TRPM7: variants seen among roughly 807,000 people sequenced by gnomAD.
The protein encoded by TRPM7 is LTRPC ion channel family member 7.
A neutral mutation model predicts 229.7 loss-of-function variants in TRPM7; 134 were observed. That is an observed-to-expected ratio of 0.58 (90% CI 0.51 to 0.67). The LOEUF is 0.67. TRPM7 is among the 30% of genes least tolerant of loss of function. TRPM7 has a pLI of 0.00. For missense variants in TRPM7, 1,901 were observed against 2,210.0 expected, an observed-to-expected ratio of 0.86 and a Z score of 2.80; for synonymous variants, 699 against 715.2, an observed-to-expected ratio of 0.98 and a Z score of 0.36.
chr15:50,581,423 T>G (rs1210315106), intron 29 of TRPM7, among the ~76,000 whole-genome samples: 1 of 151,748 alleles, frequency 6.6e-6, no homozygotes, highest in Non-Finnish European at 1.5e-5. Flanking sequence ...CACTTGAATC[T>G]GGGAGGTGGA....
intron 21 of TRPM7, among the ~76,000 whole-genome samples, chr15:50,600,059 T>A (rs1292666448): frequency 1.3e-5 from 2 of 152,236 alleles, no homozygotes; most frequent in Non-Finnish European, 2.9e-5. Context: ...AATGCTATAA[T>A]AAAACTTCAC....
intron 26 of TRPM7, among the ~76,000 whole-genome samples, chr15:50,590,586 T>G (rs2059461382): frequency 6.6e-6 from 1 of 152,146 alleles, no homozygotes. Flanking sequence ...AATATACATG[T>G]AGAGAAAATA....
intron 12 of TRPM7, among the ~76,000 whole-genome samples, chr15:50,620,967 G>A (rs1042424922): frequency 2.0e-5 from 3 of 151,850 alleles, no homozygotes; most frequent in African/African-American, 7.3e-5. Context: ...ATTCCATCCT[G>A]GCTAACACGG....
At chr15:50,609,992 A>AAATGC in intron 17 of TRPM7, 31 bp from the exon 18 acceptor site, 1 of 1,440,528 alleles carries the variant, frequency 6.9e-7, no homozygotes, top group Non-Finnish European at 9.5e-7. Flanking sequence ...TTTTGCATTT[A>AAATGC]AAAATTAATG....
intron 23 of TRPM7, among the ~76,000 whole-genome samples, chr15:50,595,929 AT>A (rs138167183): frequency 0.066 from 10,067 of 152,244 alleles, 480 homozygotes; most frequent in African/African-American, 0.13. Context: ...TGCAAAAAAA[AT>A]GATAGAAAGG....
Position 50,574,468 on chromosome 15 carries a change from A to G in TRPM7, c.5114T>C (p.Val1705Ala), listed in dbSNP as rs764242884. The G allele has an allele frequency of 1.2e-6, 2 of 1,610,242 alleles. No individual in the cohort carries two copies. Among genetic ancestry groups the G allele is most frequent in the Non-Finnish European group, 1.7e-6 (2 of 1,178,940 alleles). ...TGCTGAATGGCAATACAGCAGGAAA[A>G]CTTCAAGGAACCTTATAAAAAATAG... ...SIPYSPRFLEVFLLYCHSAGQ... is the reference protein window; with the variant it reads ...SIPYSPRFLEAFLLYCHSAGQ... Residue 1705 changes from valine (V) to alanine (A), a missense_variant, in exon 36 of 39, where the codon GTT becomes GCT. By Grantham distance (64) the Val-to-Ala change is moderately conservative. Coordinates refer to ENST00000646667, the MANE Select transcript of TRPM7 (RefSeq NM_017672.6).
intron 1 of TRPM7, among the ~76,000 whole-genome samples, chr15:50,673,449 G>A (rs905283047): frequency 6.6e-5 from 10 of 152,034 alleles, no homozygotes; most frequent in Admixed American, 5.9e-4. Flanking sequence ...AGTCCCCAAA[G>A]TCCATTGTGT....
At chr15:50,621,341 G>C (rs192023460) in intron 12 of TRPM7, among the ~76,000 whole-genome samples, 2 of 151,982 alleles carry the variant, frequency 1.3e-5, no homozygotes, top group African/African-American at 4.8e-5. Context: ...CTAACGGTAT[G>C]TAATCACATG....
chr15:50,607,863 A>C (rs932375175), intron 19 of TRPM7, among the ~76,000 whole-genome samples: 1 of 148,062 alleles, frequency 6.8e-6, no homozygotes, highest in African/African-American at 2.5e-5. Context: ...CCTGGCCAAC[A>C]GGGTGAAACT....
chr15:50,562,401 G>A (rs1272916820), intron 38 of TRPM7, among the ~76,000 whole-genome samples: 1 of 152,052 alleles, frequency 6.6e-6, no homozygotes, highest in Non-Finnish European at 1.5e-5. Flanking sequence ...AAGCTCACTG[G>A]TCTCAGTGAG....
rs561738958 is a variant in TRPM7, at chr15:50,588,188, T to A, written c.4389+1404A>T. ...ACTTCTGCATATACTAAAGAGACTT[T>A]ACCTCATATTTAGGCATCTCTGTAT... On this transcript the variant is annotated intron_variant, in intron 27 of 38. Transcript: ENST00000646667. 9.2e-6 allele frequency: 9 copies of A among 982,250 alleles called. No individual in the cohort carries two copies. In the South Asian group the frequency reaches 4.2e-4, roughly 46 times the overall value. The allele number at this position is 982,250 out of a possible 1,614,324, so 60.8% of individuals were successfully genotyped here. A position where few individuals can be genotyped will look rare whatever the true frequency, so the allele number is the denominator to read the frequency against.
intron 9 of TRPM7, among the ~76,000 whole-genome samples, chr15:50,632,370 T>C (rs1353640848): frequency 2.6e-5 from 4 of 152,160 alleles, no homozygotes; most frequent in African/African-American, 9.7e-5. Context: ...CTTTATTTCA[T>C]AGTTTACAAA....
intron 22 of TRPM7, among the ~76,000 whole-genome samples, chr15:50,597,729 G>A (rs2140394051): frequency 6.6e-6 from 1 of 151,988 alleles, no homozygotes; most frequent in East Asian, 1.9e-4. Context: ...TGGCCAACAT[G>A]GTGAAACTTT....
At chr15:50,588,093 T>C (rs1160104437) in intron 27 of TRPM7, 2 of 270,160 alleles carry the variant, frequency 7.4e-6, no homozygotes, top group Non-Finnish European at 1.1e-5. Context: ...AGTCTTATGA[T>C]AGGTCCGCTG....
At chr15:50,593,789 T>G (rs1386406715) in intron 24 of TRPM7, 40 bp from the exon 25 acceptor site, 1 of 1,569,974 alleles carries the variant, frequency 6.4e-7, no homozygotes, top group African/African-American at 1.4e-5. Context: ...GGAAGAGCTA[T>G]CAAGGTTTCA....
chr15:50,616,129 TGAA>T lies in TRPM7; in HGVS notation c.1495-1869_1495-1867del, dbSNP rs71933473. The stretch of plus-strand genomic sequence containing the variant: ...ACAAATGCCATTATATGAACCCACT[TGAA>T]GAAGAAATTTTTAAATTAGGTAAAA... On this transcript the variant is annotated intron_variant, in intron 13 of 38. Coordinates refer to ENST00000646667, the MANE Select transcript of TRPM7 (RefSeq NM_017672.6). Among the ~76,000 whole-genome samples, 714 of 152,268 alleles carry T rather than the reference TGAA, an allele frequency of 4.7e-3. 5 individuals carry two copies. The highest frequency in any genetic ancestry group is 0.017 in the African/African-American group (688 of 41,548).
chr15:50,593,528 A>G (rs1427696262), intron 25 of TRPM7, 89 bp downstream of exon 25: 1 of 1,388,898 alleles, frequency 7.2e-7, no homozygotes, highest in Admixed American at 2.1e-5. Context: ...TGTTTGACAA[A>G]ATAAATTTAA....
intron 1 of TRPM7, among the ~76,000 whole-genome samples, chr15:50,669,954 G>T (rs750470811): frequency 2.6e-4 from 40 of 152,164 alleles, no homozygotes; most frequent in Admixed American, 1.3e-3. Flanking sequence ...TACTGTTATG[G>T]AATACATTGC....
chr15:50,639,528 C>T lies in TRPM7; in HGVS notation c.556G>A (p.Asp186Asn). 1 of 1,610,390 alleles carries T rather than the reference C, an allele frequency of 6.2e-7. No individual in the cohort carries two copies. The highest frequency in any genetic ancestry group is 8.5e-7 in the Non-Finnish European group (1 of 1,177,660). The change falls in exon 6 of 39, where the codon GAT (aspartate) becomes AAT (asparagine). Residue 186 changes from aspartate (D) to asparagine (N), a missense_variant. By Grantham distance (23) the Asp-to-Asn change is conservative. Transcript: ENST00000646667. Reference protein sequence around the residue: ...VNTGVAKHVGDALKEHASRSS... With the variant: ...VNTGVAKHVGNALKEHASRSS... ...CTGGAAGCATGTTCTTTGAGGGCAT[C>T]TCCAACATGTTTTGCCACACCTGTT...
Sources: allele counts gnomAD v4.1 joint callset (sites outside exome capture counted in the v4.1 genomes callset), GRCh38; gene constraint gnomAD v4.1.1; transcripts MANE v1.5; gene names NCBI Gene and HGNC (gene_info 2026-07-23, HGNC 2026-07-21).